Variants in CNTN5 observed in about 807,000 individuals in gnomAD.
CNTN5 encodes contactin 5.
CNTN5 carries 77 observed loss-of-function variants against 129.1 expected under a neutral mutation model. The ratio of observed to expected loss-of-function variants is 0.60; its 90% CI spans 0.50 to 0.72. The LOEUF (loss-of-function observed/expected upper bound fraction) is 0.72, where lower values mean the gene tolerates loss of function less well. Among genes scored for constraint, CNTN5 ranks in the 30% least tolerant of loss-of-function variants. The probability of loss-of-function intolerance (pLI) is 0.00; values close to 1 mark genes in which losing one functional copy is unlikely to be tolerated. For synonymous variants in CNTN5, 509 were observed against 465.6 expected, an observed-to-expected ratio of 1.09 and a Z score of -1.20; for missense variants, 1,478 against 1,328.8, an observed-to-expected ratio of 1.11 and a Z score of -1.75.
chr11:99,819,329 CCTCCCCTCCT>C (rs1946703964), intron 3 of CNTN5, among the ~76,000 whole-genome samples: 2 of 95,100 alleles, frequency 2.1e-5, no homozygotes, highest in African/African-American at 8.9e-5. Context: ...CCTCCCCTCC[CCTCCCCTCCT>C]TTCCTTAATA....
At chr11:99,439,552 A>G (rs1943735634) in intron 2 of CNTN5, among the ~76,000 whole-genome samples, 1 of 151,802 alleles carries the variant, frequency 6.6e-6, no homozygotes, top group Non-Finnish European at 1.5e-5. Flanking sequence ...TACTGAAAAT[A>G]CAAAAATTAG....
rs1452481962 is a variant in CNTN5, at chr11:100,224,683, C to T, written c.1885-9C>T. ...AACATTTTAAACTGGCACTTCATCC[C>T]TCTTTCAGCAAGCATCCTCTGCAGA... On this transcript the variant is annotated splice_polypyrimidine_tract_variant and intron_variant, in intron 15 of 24. Coordinates refer to ENST00000524871, the MANE Select transcript of CNTN5 (RefSeq NM_014361.4). 1.2e-6 allele frequency: 2 copies of T among 1,608,040 alleles called. No homozygotes were observed. Among genetic ancestry groups the T allele is most frequent in the Non-Finnish European group, 1.7e-6 (2 of 1,175,730 alleles).
intron 6 of CNTN5, among the ~76,000 whole-genome samples, chr11:99,858,701 A>G (rs1330893417): frequency 1.5e-5 from 2 of 130,180 alleles, no homozygotes; most frequent in Non-Finnish European, 3.5e-5. Context: ...AAGATGTTAT[A>G]AAAATATTTT....
chr11:99,831,230 T>C (rs1440105394), intron 4 of CNTN5, among the ~76,000 whole-genome samples: 1 of 152,192 alleles, frequency 6.6e-6, no homozygotes, highest in African/African-American at 2.4e-5. Flanking sequence ...TCTAACATAA[T>C]AATCCATGCT....
intron 1 of CNTN5, chr11:99,049,471 A>G (rs1864340295): frequency 6.6e-6 from 1 of 152,176 alleles, no homozygotes; most frequent in Non-Finnish European, 1.5e-5. Flanking sequence ...ACAAAAATCT[A>G]TTCATCATTG....
chr11:99,325,083 T>A (rs1221615777), intron 1 of CNTN5, among the ~76,000 whole-genome samples: 1 of 152,102 alleles, frequency 6.6e-6, no homozygotes. Context: ...TCTAAGCTAT[T>A]GTAGCCCATG....
intron 1 of CNTN5, among the ~76,000 whole-genome samples, chr11:99,072,799 T>A (rs1234150529): frequency 6.6e-6 from 1 of 152,188 alleles, no homozygotes; most frequent in Non-Finnish European, 1.5e-5. Context: ...TTACATATGA[T>A]ACACCTTTGT....
chr11:99,708,978 C>T (rs1954863080), intron 3 of CNTN5, among the ~76,000 whole-genome samples: 1 of 151,820 alleles, frequency 6.6e-6, no homozygotes, highest in South Asian at 2.1e-4. Context: ...CATTCACATT[C>T]ATCTTCCTTG....
At chr11:99,133,609 ACT>A (rs1859058611) in intron 1 of CNTN5, among the ~76,000 whole-genome samples, 1 of 52,708 alleles carries the variant, frequency 1.9e-5, no homozygotes, top group African/African-American at 1.0e-4. Context: ...AGGAACAGAC[ACT>A]TCTCAAGAAA....
intron 3 of CNTN5, among the ~76,000 whole-genome samples, chr11:99,705,652 A>C (rs1157163676): frequency 6.6e-6 from 1 of 151,472 alleles, no homozygotes; most frequent in Non-Finnish European, 1.5e-5. Flanking sequence ...TTGTTTATAA[A>C]ACCATGAGAC....
intron 6 of CNTN5, among the ~76,000 whole-genome samples, chr11:99,890,388 T>A (rs1949026005): frequency 6.6e-6 from 1 of 151,594 alleles, no homozygotes; most frequent in Non-Finnish European, 1.5e-5. Context: ...CTCTTCCTTA[T>A]ATATATATAT....
intron 2 of CNTN5, among the ~76,000 whole-genome samples, chr11:99,427,765 CAAAAAAAAAAA>C (rs36085825): frequency 3.1e-5 from 1 of 32,364 alleles, no homozygotes; most frequent in African/African-American, 9.0e-5. Context: ...GACTCAGTCT[CAAAAAAAAAAA>C]AAAAAAAAAA....
At chr11:99,040,441 C>A (rs1326757329) in intron 1 of CNTN5, among the ~76,000 whole-genome samples, 2 of 151,996 alleles carry the variant, frequency 1.3e-5, no homozygotes, top group African/African-American at 2.4e-5. Context: ...GCCTGATTAC[C>A]ATAATATGGA....
At position 99,124,515 on chromosome 11, in the gene CNTN5, G is replaced by T. The variant is rs552920670; in HGVS notation, c.-210+103245G>T. On this transcript the variant is annotated intron_variant, in intron 1 of 24. Coordinates refer to ENST00000524871, the MANE Select transcript of CNTN5 (RefSeq NM_014361.4). ...ACTAAACGCCCACATTAAAAAGTTA[G>T]AAAGGTCTCCAATTAACAATTTAAC... 1.3e-4 allele frequency among the ~76,000 whole-genome samples: 20 copies of T among 152,014 alleles called. No homozygotes were observed. In the South Asian group the frequency reaches 3.5e-3, roughly 27 times the overall value.
intron 2 of CNTN5, among the ~76,000 whole-genome samples, chr11:99,360,962 A>AT (rs369577334): frequency 5.3e-5 from 8 of 152,022 alleles, no homozygotes; most frequent in Admixed American, 2.0e-4. Flanking sequence ...TTTTGCTTAG[A>AT]TTTTTTTTGG....
intron 4 of CNTN5, among the ~76,000 whole-genome samples, chr11:99,829,594 C>A (rs1313928078): frequency 6.6e-6 from 1 of 152,196 alleles, no homozygotes; most frequent in African/African-American, 2.4e-5. Context: ...AGTATCTACT[C>A]TGTTTTCAAC....
At chr11:100,187,061 A>T (rs924143992) in intron 13 of CNTN5, among the ~76,000 whole-genome samples, 4 of 152,096 alleles carry the variant, frequency 2.6e-5, no homozygotes, top group African/African-American at 9.7e-5. Context: ...TGTGTCTTCT[A>T]TTACCTCTTT....
intron 2 of CNTN5, among the ~76,000 whole-genome samples, chr11:99,528,765 C>T (rs760669868): frequency 8.5e-5 from 13 of 152,062 alleles, no homozygotes; most frequent in Admixed American, 5.2e-4. Context: ...AAAGGTCAGC[C>T]AGGTGCCTAT....
intron 1 of CNTN5, among the ~76,000 whole-genome samples, chr11:99,149,030 G>A (rs1220190543): frequency 6.6e-6 from 1 of 152,024 alleles, no homozygotes; most frequent in Non-Finnish European, 1.5e-5. Flanking sequence ...GAGTAATAAG[G>A]AAAATGGCAG....
Sources: gnomAD v4.1 joint callset for allele counts (sites outside exome capture counted in the v4.1 genomes callset) on GRCh38, gnomAD v4.1.1 for gene constraint, MANE v1.5 for transcripts, NCBI Gene and HGNC (gene_info 2026-07-23, HGNC 2026-07-21) for gene names.